The following PRMT9 variants were observed in gnomAD, a reference collection of about 807,000 sequenced individuals.
PRMT9 encodes the protein protein arginine methyltransferase 9.
Under a neutral mutation model 83.2 loss-of-function variants are expected in PRMT9, and 59 were observed. The ratio of observed to expected loss-of-function variants is 0.71; its 90% CI spans 0.57 to 0.88. PRMT9 has a LOEUF of 0.88. Among genes scored for constraint, PRMT9 ranks in the 40% least tolerant of loss-of-function variants. PRMT9 has a pLI of 0.00. For synonymous variants in PRMT9, 333 were observed against 353.2 expected (o/e 0.94, Z 0.64); for missense variants, 947 against 1,021.9 (o/e 0.93, Z 1.00).
rs200580518 is a variant in PRMT9, at chr4:147,657,927, C to G, written c.1195G>C (p.Val399Leu). Residue 399 changes from valine to leucine, a missense_variant, in exon 8 of 12, where the codon GTT (valine) becomes CTT (leucine). Physicochemically the swap from Val to Leu is conservative, Grantham distance 32. Coordinates refer to ENST00000322396, the MANE Select transcript of PRMT9 (RefSeq NM_138364.4). ...TKKPDKIGIP[V>L]IKEGILDAIM... ...GCATCTAGTATGCCTTCTTTAATAA[C>G]AGGAATACCAATCTTATCAGGCTTT... is the stretch of plus-strand genomic sequence containing the variant. 16 of 1,602,494 alleles carry G rather than the reference C, an allele frequency of 1.0e-5. 1 individual carries two copies. Among genetic ancestry groups the G allele is most frequent in the South Asian group, 1.0e-4 (9 of 90,440 alleles).
chr4:147,657,448 C>T (rs530980650), intron 8 of PRMT9, among the ~76,000 whole-genome samples: 100 of 151,822 alleles, frequency 6.6e-4, no homozygotes, highest in Non-Finnish European at 1.2e-3. Context: ...TGGCGTGAAC[C>T]CGGGAGGCGG....
chr4:147,659,360 C>A (rs751872336), intron 7 of PRMT9, among the ~76,000 whole-genome samples: 10 of 150,736 alleles, frequency 6.6e-5, no homozygotes, highest in Non-Finnish European at 1.0e-4. Context: ...AAGATCGCAC[C>A]ACTGCACTCC....
At chr4:147,646,481 G>C (rs1247324646) in intron 9 of PRMT9, among the ~76,000 whole-genome samples, 1 of 152,096 alleles carries the variant, frequency 6.6e-6, no homozygotes. Context: ...ACGATACCAT[G>C]TGAGTCACTT....
At position 147,639,082 on chromosome 4, in the gene PRMT9, C is replaced by T. The variant is rs770627113; in HGVS notation, c.2200G>A (p.Val734Ile). 5 of 1,613,302 alleles carry T rather than the reference C, an allele frequency of 3.1e-6. No homozygotes were observed. The highest frequency in any genetic ancestry group is 4.2e-6 in the Non-Finnish European group (5 of 1,179,494). The change falls in exon 11 of 12, where the codon GTA becomes ATA. Residue 734 changes from valine to isoleucine, a missense_variant and splice_region_variant. Transcript: ENST00000322396. ...AGGTCCAAAAATACACGTATAGGTA[C>T]CTAGAGAAAGTATAAATTTTTCACT... ...NIAPFINQFQ[V>I]PIRVFLDLSS...
intron 6 of PRMT9, among the ~76,000 whole-genome samples, chr4:147,663,505 A>G (rs1204900156): frequency 6.6e-6 from 1 of 152,086 alleles, no homozygotes; most frequent in Non-Finnish European, 1.5e-5. Flanking sequence ...AGCTGGGACT[A>G]CAGGTGCATG....
intron 5 of PRMT9, among the ~76,000 whole-genome samples, chr4:147,669,813 A>C (rs1735611445): frequency 6.6e-6 from 1 of 152,256 alleles, no homozygotes; most frequent in Admixed American, 6.5e-5. Context: ...CACATATCAT[A>C]TAAACCAAAT....
intron 5 of PRMT9, among the ~76,000 whole-genome samples, chr4:147,669,958 T>C (rs1023306373): frequency 2.6e-5 from 4 of 152,178 alleles, no homozygotes; most frequent in African/African-American, 9.6e-5. Flanking sequence ...CTATACTCCC[T>C]TCTGATAATT....
chr4:147,659,525 A>C (rs1734789238), intron 7 of PRMT9, among the ~76,000 whole-genome samples: 1 of 151,692 alleles, frequency 6.6e-6, no homozygotes, highest in Non-Finnish European at 1.5e-5. Context: ...TACCTATTAA[A>C]GATCTTTAGA....
At chr4:147,678,341 G>A (rs933067263) in intron 2 of PRMT9, among the ~76,000 whole-genome samples, 4 of 152,196 alleles carry the variant, frequency 2.6e-5, no homozygotes, top group African/African-American at 9.7e-5. Context: ...AAATTCCTAC[G>A]AATGTGAGCA....
At chr4:147,676,402 C>A (rs1422752586) in intron 2 of PRMT9, among the ~76,000 whole-genome samples, 1 of 151,956 alleles carries the variant, frequency 6.6e-6, no homozygotes, top group Non-Finnish European at 1.5e-5. Flanking sequence ...ATTTTTTTAA[C>A]TAATTTGAGG....
intron 9 of PRMT9, among the ~76,000 whole-genome samples, chr4:147,647,017 A>G (rs760044683): frequency 1.4e-4 from 22 of 152,332 alleles, no homozygotes; most frequent in Non-Finnish European, 2.2e-4. Context: ...GGATGGTAAT[A>G]GTCCCTTCCT....
In PRMT9 at chr4:147,638,723, G is replaced by A; in HGVS notation, c.2347C>T (p.Leu783=). ...VKVYVCKSGR[L]TAIPFWYHMY... ...TGATACCAAAATGGAATAGCAGTCA[G>A]TCTTCCAGATTTACAAACGTATACC... The change falls in exon 12 of 12, where the codon CTG becomes TTG. Residue 783 remains leucine (L), a synonymous_variant. Transcript: ENST00000322396. 2 of 1,612,602 alleles carry A rather than the reference G, an allele frequency of 1.2e-6. No individual in the cohort carries two copies. Among genetic ancestry groups the A allele is most frequent in the East Asian group, 4.5e-5 (2 of 44,814 alleles).
In PRMT9 at chr4:147,684,098, C is replaced by T. The variant is rs148792887; in HGVS notation, c.-111G>A. 23 of 1,223,992 alleles carry T rather than the reference C, an allele frequency of 1.9e-5. No individual in the cohort carries two copies. Among genetic ancestry groups the T allele is most frequent in the Non-Finnish European group, 2.7e-5 (23 of 861,890 alleles). The allele number at this position is 1,223,992 out of a possible 1,614,324, so 75.8% of individuals were successfully genotyped here. A position where few individuals can be genotyped will look rare whatever the true frequency, so the allele number is the denominator to read the frequency against. ...GACAACTGCTCAAAAAACAGCACAG[C>T]AAAGTTACCCTCCGCCGCGGGTGAA... On this transcript the variant is annotated 5_prime_UTR_variant, in exon 1 of 12. Coordinates refer to ENST00000322396, the MANE Select transcript of PRMT9 (RefSeq NM_138364.4).
At chr4:147,647,169 C>T (rs989401894) in intron 9 of PRMT9, among the ~76,000 whole-genome samples, 6 of 152,152 alleles carry the variant, frequency 3.9e-5, no homozygotes, top group African/African-American at 1.4e-4. Flanking sequence ...TGTACCCTAG[C>T]TTGTTTTTCT....
Position 147,657,912 on chromosome 4 carries a change from T to C in PRMT9, c.1210A>G (p.Ile404Val), listed in dbSNP as rs1734640810. 6.2e-7 allele frequency: 1 copy of C among 1,607,706 alleles called. No individual in the cohort carries two copies. Among genetic ancestry groups the C allele is most frequent in the Non-Finnish European group, 8.5e-7 (1 of 1,177,836 alleles). ...AACCAAACCATAATAGCATCTAGTATGCCTTCTTTAATAACAGGAATACCA... is the reference window on the plus strand; with the variant it reads ...AACCAAACCATAATAGCATCTAGTACGCCTTCTTTAATAACAGGAATACCA... Reference protein sequence around the residue: ...KIGIPVIKEGILDAIMVWFVL... With the variant: ...KIGIPVIKEGVLDAIMVWFVL... The change falls in exon 8 of 12, where the codon ATA (isoleucine) becomes GTA (valine). Residue 404 changes from isoleucine (I) to valine (V), a missense_variant. Coordinates refer to ENST00000322396, the MANE Select transcript of PRMT9 (RefSeq NM_138364.4).
chr4:147,660,055 C>A (rs1013747382), intron 7 of PRMT9, among the ~76,000 whole-genome samples: 1 of 152,204 alleles, frequency 6.6e-6, no homozygotes, highest in Non-Finnish European at 1.5e-5. Flanking sequence ...AATGCACATA[C>A]AACCTAGAGA....
chr4:147,649,208 G>A (rs1429098149), intron 9 of PRMT9, among the ~76,000 whole-genome samples: 1 of 150,988 alleles, frequency 6.6e-6, no homozygotes, highest in African/African-American at 2.4e-5. Context: ...GAGAGAAGAG[G>A]GAGAGAGAGA....
chr4:147,677,722 G>T (rs919400480), intron 2 of PRMT9, among the ~76,000 whole-genome samples: 1 of 152,010 alleles, frequency 6.6e-6, no homozygotes, highest in African/African-American at 2.4e-5. Flanking sequence ...CTCCCAAAGT[G>T]CTGGGAATAT....
intron 4 of PRMT9, chr4:147,671,888 A>G (rs1198875803): frequency 2.2e-6 from 1 of 456,174 alleles, no homozygotes; most frequent in African/African-American, 2.0e-5. Context: ...GAAACTGACT[A>G]TACTGGAGAA....
Sources: gnomAD v4.1 joint callset for allele counts (sites outside exome capture counted in the v4.1 genomes callset) on GRCh38, gnomAD v4.1.1 for gene constraint, MANE v1.5 for transcripts, NCBI Gene and HGNC (gene_info 2026-07-23, HGNC 2026-07-21) for gene names.